MFN1: variants seen among roughly 807,000 people sequenced by gnomAD.
MFN1 encodes mitofusin-1.
A neutral mutation model predicts 92.4 loss-of-function variants in MFN1; 65 were observed. The ratio of observed to expected loss-of-function variants is 0.70; its 90% CI spans 0.58 to 0.86. MFN1 has a LOEUF of 0.86. Among genes scored for constraint, MFN1 ranks in the 40% least tolerant of loss-of-function variants. The probability of loss-of-function intolerance (pLI) is 0.00; values close to 1 mark genes in which losing one functional copy is unlikely to be tolerated. For synonymous variants in MFN1, 297 were observed against 300.9 expected, an observed-to-expected ratio of 0.99 and a Z score of 0.13; for missense variants, 781 against 868.0, an observed-to-expected ratio of 0.90 and a Z score of 1.26.
intron 17 of MFN1, among the ~76,000 whole-genome samples, chr3:179,391,390 C>T (rs1713895716): frequency 6.6e-6 from 1 of 151,864 alleles, no homozygotes; most frequent in South Asian, 2.1e-4. Flanking sequence ...TTGGAATTTC[C>T]ATTTTTTACT....
At chr3:179,357,513 A>G (rs907053265) in intron 3 of MFN1, among the ~76,000 whole-genome samples, 1 of 152,212 alleles carries the variant, frequency 6.6e-6, no homozygotes, top group Admixed American at 6.5e-5. Flanking sequence ...GGAGTTGGGA[A>G]TGATATCCAT....
chr3:179,362,385 C>CA lies in MFN1; in HGVS notation c.440dup (p.His147GlnfsTer27). The stretch of plus-strand genomic sequence containing the variant: ...AGTTAATCAACTGGCCCATGCCCTT[C>CA]ACATGGACAAAGATTTGAAAGCTGG... On this transcript the variant is annotated frameshift_variant, in exon 5 of 18. Coordinates refer to ENST00000471841, the MANE Select transcript of MFN1 (RefSeq NM_033540.3). LOFTEE classifies it high-confidence loss of function. 2 of 1,612,452 alleles carry CA rather than the reference C, an allele frequency of 1.2e-6. No individual in the cohort carries two copies. Among genetic ancestry groups the CA allele is most frequent in the Non-Finnish European group, 1.7e-6 (2 of 1,179,740 alleles).
In MFN1 at chr3:179,387,584, CTTTTTTTTTTTTTTTTT is replaced by C. The variant is rs769878779; in HGVS notation, c.2012+968_2012+984del. On this transcript the variant is annotated intron_variant, in intron 16 of 17. Coordinates refer to ENST00000471841, the MANE Select transcript of MFN1 (RefSeq NM_033540.3). ...ATTGCCCTTAAGATATTTGTGGTTTCTTTTTTTTTTTTTTTTTTTTTTTTTTTTTCTGAGATGGAGTC... is the reference window on the plus strand; with the variant it reads ...ATTGCCCTTAAGATATTTGTGGTTTCTTTTTTTTTTTTCTGAGATGGAGTC... 2.2e-4 allele frequency among the ~76,000 whole-genome samples: 18 copies of C among 82,260 alleles called. 1 individual carries two copies. Among genetic ancestry groups the C allele is most frequent in the African/African-American group, 4.3e-4 (8 of 18,664 alleles). The allele number at this position is 82,260 out of a possible 152,430, so 54.0% of individuals were successfully genotyped here. A position where few individuals can be genotyped will look rare whatever the true frequency, so the allele number is the denominator to read the frequency against.
chr3:179,383,239 T>C (rs1224004065), intron 14 of MFN1, among the ~76,000 whole-genome samples: 5 of 152,224 alleles, frequency 3.3e-5, no homozygotes, highest in Non-Finnish European at 7.3e-5. Flanking sequence ...TTGAATTAAT[T>C]TTTGTATAAG....
rs1713964053 is a variant in MFN1 at position 179,392,914 on chromosome 3, A to G, written c.*855A>G. On this transcript the variant is annotated 3_prime_UTR_variant, in exon 18 of 18. Coordinates refer to ENST00000471841, the MANE Select transcript of MFN1 (RefSeq NM_033540.3). ...ATTGGAGGCTTTTAATTTTATTTGTATGAATTTTCCAGGATTTCATTAAAA... is the reference window on the plus strand; with the variant it reads ...ATTGGAGGCTTTTAATTTTATTTGTGTGAATTTTCCAGGATTTCATTAAAA... 6.6e-6 allele frequency: 1 copy of G among 152,158 alleles called. No homozygotes were observed. The highest frequency in any genetic ancestry group is 2.4e-5 in the African/African-American group (1 of 41,440). The allele number at this position is 152,158 out of a possible 1,614,324, so 9.4% of individuals were successfully genotyped here.
intron 9 of MFN1, among the ~76,000 whole-genome samples, chr3:179,372,274 G>A (rs2108542545): frequency 6.6e-6 from 1 of 151,188 alleles, no homozygotes; most frequent in Non-Finnish European, 1.5e-5. Flanking sequence ...AAATAAGTTG[G>A]CAGTGATGAG....
At chr3:179,364,795 A>G (rs1348896156) in intron 6 of MFN1, among the ~76,000 whole-genome samples, 1 of 152,214 alleles carries the variant, frequency 6.6e-6, no homozygotes, top group Non-Finnish European at 1.5e-5. Context: ...TCACCAGAAT[A>G]TACTCCAGGT....
chr3:179,351,321 C>CGTATCTGAT (rs1712138273), intron 2 of MFN1, among the ~76,000 whole-genome samples: 1 of 152,132 alleles, frequency 6.6e-6, no homozygotes, highest in African/African-American at 2.4e-5. Context: ...CTGATGAGAT[C>CGTATCTGAT]GAGTGCATTC....
chr3:179,358,750 G>T, intron 3 of MFN1, 90 bp from the exon 4 acceptor site: 1 of 1,339,660 alleles, frequency 7.5e-7, no homozygotes, highest in Non-Finnish European at 1.0e-6. Context: ...AACAAAATTT[G>T]GATTTTAAAA....
chr3:179,350,402 CTT>C (rs1712099623), intron 2 of MFN1, among the ~76,000 whole-genome samples: 1 of 151,968 alleles, frequency 6.6e-6, no homozygotes, highest in Non-Finnish European at 1.5e-5. Context: ...AGTATAGAAT[CTT>C]TGTTTCCAAT....
intron 14 of MFN1, among the ~76,000 whole-genome samples, chr3:179,381,688 T>G (rs1400334995): frequency 6.6e-6 from 1 of 152,252 alleles, no homozygotes; most frequent in African/African-American, 2.4e-5. Flanking sequence ...ACCTGTGTTT[T>G]CTGATAAGTC....
intron 3 of MFN1, among the ~76,000 whole-genome samples, chr3:179,358,379 C>T (rs1047696979): frequency 1.6e-4 from 24 of 152,200 alleles, no homozygotes; most frequent in African/African-American, 5.5e-4. Flanking sequence ...TCCCGAACTC[C>T]TGACCTCAAG....
chr3:179,354,115 A>T (rs1712258308), intron 3 of MFN1, among the ~76,000 whole-genome samples: 1 of 152,208 alleles, frequency 6.6e-6, no homozygotes, highest in Non-Finnish European at 1.5e-5. Flanking sequence ...AAAAGATCCT[A>T]CTTCAGATTA....
rs1324399830 is a variant in MFN1 at position 179,358,996 on chromosome 3, T to C, written c.405T>C (p.Ser135=). ...LMTEGSDEKK[S]VKTVNQLAHA... ...CAGAAGGATCAGATGAAAAAAAGAGTGTGAAGGTATGATCTTTAACCTTTA... is the reference window on the plus strand; with the variant it reads ...CAGAAGGATCAGATGAAAAAAAGAGCGTGAAGGTATGATCTTTAACCTTTA... Residue 135 remains serine, a synonymous_variant, in exon 4 of 18, where the codon AGT becomes AGC. Transcript: ENST00000471841. 2 of 1,613,016 alleles carry C rather than the reference T, an allele frequency of 1.2e-6. No individual in the cohort carries two copies. The highest frequency in any genetic ancestry group is 2.2e-5 in the East Asian group (1 of 44,822).
At chr3:179,358,530 G>C (rs774633294) in intron 3 of MFN1, among the ~76,000 whole-genome samples, 61 of 152,272 alleles carry the variant, frequency 4.0e-4, no homozygotes, top group Non-Finnish European at 7.4e-4. Flanking sequence ...TGGGATATTA[G>C]ACCCCATCTT....
Position 179,386,513 on chromosome 3 carries a change from C to A in MFN1, c.1896C>A (p.Ser632Arg). 2 of 1,614,038 alleles carry A rather than the reference C, an allele frequency of 1.2e-6. No homozygotes were observed. Among genetic ancestry groups the A allele is most frequent in the East Asian group, 4.5e-5 (2 of 44,872 alleles). ...YGALYLYERL[S>R]WTTHAKERAF... ...CTTTGTATCTTTATGAAAGACTGAG[C>A]TGGACCACCCATGCCAAGGAGCGAG... is the stretch of plus-strand genomic sequence containing the variant. Residue 632 changes from serine (S) to arginine (R), a missense_variant, in exon 16 of 18, where the codon AGC becomes AGA. Physicochemically the swap from Ser to Arg is moderately radical, Grantham distance 110 (BLOSUM62 -1). Transcript: ENST00000471841.
At chr3:179,362,553 A>G (rs755680815) in intron 5 of MFN1, 71 bp downstream of exon 5, 10 of 1,361,800 alleles carry the variant, frequency 7.3e-6, no homozygotes, top group African/African-American at 4.4e-5. Context: ...ACTTTAGCAT[A>G]TGGTATAAAA....
chr3:179,384,726 G>A (rs75806208), intron 14 of MFN1, among the ~76,000 whole-genome samples: 1,869 of 152,224 alleles, frequency 0.012, 36 homozygotes, highest in African/African-American at 0.042. Context: ...GTAGACACAA[G>A]GTCTCACTGT....
chr3:179,386,950 C>G (rs1713709314), intron 16 of MFN1, among the ~76,000 whole-genome samples: 1 of 151,998 alleles, frequency 6.6e-6, no homozygotes, highest in Admixed American at 6.6e-5. Context: ...GAGATAGGGT[C>G]TCTGTCGCCC....
Sources: gnomAD v4.1 joint callset for allele counts (sites outside exome capture counted in the v4.1 genomes callset) on GRCh38, gnomAD v4.1.1 for gene constraint, MANE v1.5 for transcripts, NCBI Gene and HGNC (gene_info 2026-07-23, HGNC 2026-07-21) for gene names.